The following TFEC variants were observed in gnomAD, a reference collection of about 807,000 sequenced individuals.
The protein encoded by TFEC is class E basic helix-loop-helix protein 34.
Under a neutral mutation model 41.6 loss-of-function variants are expected in TFEC, and 31 were observed. That is an observed-to-expected ratio of 0.74 (90% confidence interval 0.56 to 1.01). TFEC has a LOEUF of 1.01. TFEC is among the 50% of genes least tolerant of loss of function. TFEC has a pLI of 0.00. For synonymous variants in TFEC, 143 were observed against 140.6 expected, an observed-to-expected ratio of 1.02 and a Z score of -0.12; for missense variants, 402 against 404.1, an observed-to-expected ratio of 0.99 and a Z score of 0.04.
intron 3 of TFEC, among the ~76,000 whole-genome samples, chr7:116,051,421 C>T (rs1324812356): frequency 6.6e-6 from 1 of 152,090 alleles, no homozygotes; most frequent in Non-Finnish European, 1.5e-5. Flanking sequence ...AAAATTCAAG[C>T]TCAGGAAGTC....
intron 3 of TFEC, among the ~76,000 whole-genome samples, chr7:116,045,030 TG>T (rs1796130782): frequency 1.3e-5 from 2 of 152,164 alleles, no homozygotes; most frequent in African/African-American, 4.8e-5. Context: ...ACCAGTAGAG[TG>T]GGGCATTGCT....
rs778167653 is a variant in TFEC at position 115,974,171 on chromosome 7, G to A, written c.266C>T (p.Thr89Ile). 3.1e-6 allele frequency: 5 copies of A among 1,589,516 alleles called. No homozygotes were observed. Among genetic ancestry groups the A allele is most frequent in the South Asian group, 1.2e-5 (1 of 86,662 alleles). Residue 89 changes from threonine to isoleucine, a missense_variant and splice_region_variant, in exon 3 of 8, where the codon ACA (threonine) becomes ATA (isoleucine). Transcript: ENST00000265440. ...CTTCTTGGGTCTGAAAGCACTTACT[G>A]TTCTTTGCATTAGCAGAGGAGAGTC... is the stretch of plus-strand genomic sequence containing the variant. The part of the protein sequence containing the change: ...GADSPLLMQR[T>I]LSGSILDVYS...
intron 6 of TFEC, among the ~76,000 whole-genome samples, chr7:115,944,543 G>C (rs1010754041): frequency 6.6e-6 from 1 of 151,536 alleles, no homozygotes; most frequent in Non-Finnish European, 1.5e-5. Flanking sequence ...AGAACTTTCT[G>C]AATATTTTGA....
rs1447550255 is a variant in TFEC at position 116,104,487 on chromosome 7, A to G, written c.198+6221T>C. Among the ~76,000 whole-genome samples the G allele has an allele frequency of 4.3e-4, 65 of 152,168 alleles. 1 individual carries two copies. On this transcript the variant is annotated intron_variant, in intron 3 of 8. Coordinates refer to the TFEC transcript ENST00000484212. Reference sequence around the variant, plus strand: ...TACCATTTCAGTTCATCCATTACTCATTATCAGAGAGTGCTAGATACATTT... The same window carrying G: ...TACCATTTCAGTTCATCCATTACTCGTTATCAGAGAGTGCTAGATACATTT...
At chr7:115,948,598 C>A (rs1291228828) in intron 6 of TFEC, among the ~76,000 whole-genome samples, 1 of 151,940 alleles carries the variant, frequency 6.6e-6, no homozygotes, top group Non-Finnish European at 1.5e-5. Context: ...AGACAAAAAC[C>A]ACATGATTAT....
intron 3 of TFEC, among the ~76,000 whole-genome samples, chr7:116,093,120 G>C (rs543201014): frequency 1.3e-4 from 20 of 152,210 alleles, no homozygotes; most frequent in African/African-American, 4.8e-4. Context: ...TGAGTACTTT[G>C]AAATTTCAAA....
intron 1 of TFEC, among the ~76,000 whole-genome samples, chr7:115,995,235 A>G (rs1794311561): frequency 6.6e-6 from 1 of 151,274 alleles, no homozygotes; most frequent in Admixed American, 6.6e-5. Context: ...TAGGAGATAT[A>G]CCTAATGTAA....
At chr7:115,993,448 T>G (rs916920390) in intron 1 of TFEC, among the ~76,000 whole-genome samples, 1 of 152,174 alleles carries the variant, frequency 6.6e-6, no homozygotes, top group African/African-American at 2.4e-5. Context: ...GATTGTATAT[T>G]TAGAAAACCC....
In TFEC at chr7:115,936,119, A is replaced by C. The variant is rs924510139; in HGVS notation, c.*4432T>G. ...GCTTTTGGATTGTTTCCTTGTTTTC[A>C]AATTAAAATTCATACAAACAATAAA... is the stretch of plus-strand genomic sequence containing the variant. On this transcript the variant is annotated 3_prime_UTR_variant, in exon 8 of 8. Transcript: ENST00000265440. 4 of 151,640 alleles carry C rather than the reference A, an allele frequency of 2.6e-5. No individual in the cohort carries two copies. The highest frequency in any genetic ancestry group is 7.2e-5 in the African/African-American group (3 of 41,404). The allele number at this position is 151,640 out of a possible 1,614,324, so 9.4% of individuals were successfully genotyped here. A position where few individuals can be genotyped will look rare whatever the true frequency, so the allele number is the denominator to read the frequency against.
chr7:115,953,343 C>T (rs2130381270), intron 5 of TFEC, among the ~76,000 whole-genome samples: 1 of 152,114 alleles, frequency 6.6e-6, no homozygotes, highest in South Asian at 2.1e-4. Context: ...TGTAATTTTG[C>T]TATGATCATC....
At chr7:116,105,163 C>A (rs1797687925) in intron 3 of TFEC, among the ~76,000 whole-genome samples, 1 of 152,022 alleles carries the variant, frequency 6.6e-6, no homozygotes, top group African/African-American at 2.4e-5. Flanking sequence ...ACCAAGAAAT[C>A]ATATGTTTTC....
chr7:115,956,670 C>T lies in TFEC; in HGVS notation c.382+9G>A. ...AATAAAAAGGGTAAAACTATAAAAG[C>T]AACATTACCTGTAATTTCTCTTTTC... On this transcript the variant is annotated intron_variant, in intron 4 of 7. Coordinates refer to ENST00000265440, the MANE Select transcript of TFEC (RefSeq NM_012252.4). The T allele has an allele frequency of 1.9e-6, 3 of 1,583,516 alleles. No homozygotes were observed. Among genetic ancestry groups the T allele is most frequent in the Non-Finnish European group, 2.6e-6 (3 of 1,159,862 alleles).
exon 3 of TFEC, chr7:116,110,752 C>A: frequency 6.5e-7 from 1 of 1,534,576 alleles, no homozygotes; most frequent in South Asian, 1.2e-5. Context: ...TGTGGTCTTG[C>A]TGGGACAAGT....
At chr7:116,000,959 A>C (rs1433885280) in intron 1 of TFEC, among the ~76,000 whole-genome samples, 6 of 152,152 alleles carry the variant, frequency 3.9e-5, no homozygotes, top group African/African-American at 1.4e-4. Flanking sequence ...AAAAGAAAAC[A>C]GTCCTAAAAT....
chr7:115,962,948 C>T (rs1792639370), intron 3 of TFEC, among the ~76,000 whole-genome samples: 1 of 151,832 alleles, frequency 6.6e-6, no homozygotes, highest in Non-Finnish European at 1.5e-5. Context: ...GTTTGCTGCA[C>T]CCATAAACTT....
chr7:116,009,127 A>G (rs893842115), intron 1 of TFEC, among the ~76,000 whole-genome samples: 14 of 152,206 alleles, frequency 9.2e-5, no homozygotes, highest in Admixed American at 7.9e-4. Context: ...CTCCATTTAT[A>G]CATGCATTGA....
chr7:115,968,432 AATATTTACTC>A, intron 3 of TFEC: 1 of 697,012 alleles, frequency 1.4e-6, no homozygotes, highest in East Asian at 3.0e-5. Flanking sequence ...GGGGGTTGTT[AATATTTACTC>A]ATTCCTCGTC....
At chr7:116,151,844 G>C (rs1435689037) in intron 1 of TFEC, among the ~76,000 whole-genome samples, 1 of 152,026 alleles carries the variant, frequency 6.6e-6, no homozygotes, top group African/African-American at 2.4e-5. Flanking sequence ...TTGTTTCACT[G>C]GGTTAAATAT....
chr7:116,077,610 C>G (rs1172705980), intron 3 of TFEC, among the ~76,000 whole-genome samples: 1 of 151,780 alleles, frequency 6.6e-6, no homozygotes, highest in Non-Finnish European at 1.5e-5. Context: ...AAACCAAATG[C>G]AAGCAAGAGT....
Sources: allele counts gnomAD v4.1 joint callset (sites outside exome capture counted in the v4.1 genomes callset), GRCh38; gene constraint gnomAD v4.1.1; transcripts MANE v1.5; gene names NCBI Gene and HGNC (gene_info 2026-07-23, HGNC 2026-07-21).